DNASE1: variants seen among roughly 807,000 people sequenced by gnomAD.
DNASE1 encodes the protein deoxyribonuclease-1.
DNASE1 carries 40 observed loss-of-function variants against 33.9 expected under a neutral mutation model. That is an observed-to-expected ratio of 1.18 (90% CI 0.92 to 1.54). DNASE1 has a LOEUF of 1.54. Among genes scored for constraint, DNASE1 ranks in the 40% most tolerant of loss-of-function variants. DNASE1 has a pLI of 0.00. For synonymous variants in DNASE1, 216 were observed against 160.0 expected (o/e 1.35, Z -2.64); for missense variants, 518 against 372.6 (o/e 1.39, Z -3.21).
exon 10 of DNASE1, chr16:3,663,619 A>G: frequency 6.2e-7 from 1 of 1,606,114 alleles, no homozygotes; most frequent in Non-Finnish European, 8.5e-7. Context: ...CCACCACAGA[A>G]GAAAGGATGA....
intron 1 of DNASE1, among the ~76,000 whole-genome samples, chr16:3,648,174 A>G (rs1017286728): frequency 6.6e-6 from 1 of 152,192 alleles, no homozygotes; most frequent in Admixed American, 6.5e-5. Context: ...GTCTCAAAAG[A>G]AAACAAAACC....
intron 5 of DNASE1, 112 bp from the exon 6 acceptor site, chr16:3,656,887 T>G: frequency 1.3e-6 from 2 of 1,545,382 alleles, no homozygotes; most frequent in African/African-American, 1.4e-5. Flanking sequence ...TTCAAGTCAT[T>G]TGGAAAATAT....
intron 1 of DNASE1, among the ~76,000 whole-genome samples, chr16:3,620,578 A>G (rs1398204266): frequency 6.6e-6 from 1 of 152,056 alleles, no homozygotes; most frequent in African/African-American, 2.4e-5. Context: ...TCTCTAAGTC[A>G]GTAGATAGGA....
At chr16:3,656,561 G>T (rs1340911436) in intron 4 of DNASE1, 77 bp from the exon 5 acceptor site, 2 of 1,320,548 alleles carry the variant, frequency 1.5e-6, no homozygotes, top group Non-Finnish European at 2.1e-6. Flanking sequence ...CCTGGGACGC[G>T]ACGCCTGCCT....
At chr16:3,657,653 C>G in intron 7 of DNASE1, 67 bp from the exon 8 acceptor site, 1 of 1,595,138 alleles carries the variant, frequency 6.3e-7, no homozygotes, top group Non-Finnish European at 8.5e-7. Context: ...TAGTTTAGTT[C>G]CTGCGGGTGC....
intron 1 of DNASE1, among the ~76,000 whole-genome samples, chr16:3,619,369 A>AT (rs552476712): frequency 0.012 from 1,640 of 138,530 alleles, 18 homozygotes; most frequent in Non-Finnish European, 0.018. Flanking sequence ...TTTATTTTTT[A>AT]TTTTTTTTTG....
At chr16:3,656,559 G>A (rs532410331) in intron 4 of DNASE1, 79 bp from the exon 5 acceptor site, 163 of 1,279,252 alleles carry the variant, frequency 1.3e-4, no homozygotes, top group Admixed American at 5.1e-4. Context: ...CGCCTGGGAC[G>A]CGACGCCTGC....
intron 1 of DNASE1, among the ~76,000 whole-genome samples, chr16:3,623,727 A>C (rs1306659205): frequency 1.3e-5 from 2 of 152,070 alleles, no homozygotes; most frequent in African/African-American, 4.8e-5. Context: ...TGAGGCCAGG[A>C]ATTAGAGAGA....
chr16:3,659,683 T>G (rs2042951682), downstream of DNASE1: 2 of 152,088 alleles, frequency 1.3e-5, no homozygotes, highest in South Asian at 4.2e-4. Flanking sequence ...GAAAACCACA[T>G]GTGGATGATA....
intron 1 of DNASE1, among the ~76,000 whole-genome samples, chr16:3,625,466 G>A (rs936048439): frequency 6.6e-6 from 1 of 151,894 alleles, no homozygotes; most frequent in Admixed American, 6.6e-5. Context: ...AAAAAAAATT[G>A]TTTAAATAAA....
chr16:3,635,317 G>T (rs1250416352), intron 1 of DNASE1, among the ~76,000 whole-genome samples: 4 of 151,804 alleles, frequency 2.6e-5, no homozygotes, highest in Admixed American at 2.6e-4. Flanking sequence ...AATTAGCTGT[G>T]CGTGGTGGCG....
upstream of DNASE1, chr16:3,654,688 G>C (rs2042481521): frequency 2.5e-6 from 1 of 399,520 alleles, no homozygotes; most frequent in Non-Finnish European, 4.4e-6. Flanking sequence ...GTGATTATCA[G>C]GTGCAGTTTT....
At chr16:3,640,103 A>G (rs1008333861), upstream of DNASE1, among the ~76,000 whole-genome samples, 5 of 152,150 alleles carry the variant, frequency 3.3e-5, no homozygotes, top group African/African-American at 7.2e-5. Context: ...AGTCTACCCA[A>G]TACCCCACGA....
chr16:3,634,437 C>T lies in DNASE1; in HGVS notation c.-1358-6278C>T, dbSNP rs371582955. Among the ~76,000 whole-genome samples, 57 of 151,774 alleles carry T rather than the reference C, an allele frequency of 3.8e-4. No individual in the cohort carries two copies. In the East Asian group the frequency reaches 0.011, roughly 28 times the overall value. ...TAGAGATGGGGTTTCACTGTATTAGCCAGGCTGGTCTCGAACTCCTGACCT... is the reference window on the plus strand; with the variant it reads ...TAGAGATGGGGTTTCACTGTATTAGTCAGGCTGGTCTCGAACTCCTGACCT... On this transcript the variant is annotated intron_variant and NMD_transcript_variant, in intron 1 of 11. Transcript: ENST00000570769.
chr16:3,660,162 C>T (rs1436984253), downstream of DNASE1: 3 of 152,240 alleles, frequency 2.0e-5, no homozygotes, highest in Admixed American at 6.5e-5. Flanking sequence ...GGACCCACTG[C>T]ACAGCAAGTT....
chr16:3,663,354 C>T (rs924184933), exon 10 of DNASE1: 19 of 1,587,656 alleles, frequency 1.2e-5, no homozygotes, highest in African/African-American at 1.1e-4. Context: ...AGGAAGCCCT[C>T]GCTGCGGGGC....
chr16:3,642,060 C>A (rs191098215), upstream of DNASE1, among the ~76,000 whole-genome samples: 17 of 152,316 alleles, frequency 1.1e-4, no homozygotes, highest in East Asian at 3.3e-3. Context: ...GGCCCCAGGA[C>A]TGTGGACTAG....
At chr16:3,646,847 C>T (rs927095841) in intron 1 of DNASE1, among the ~76,000 whole-genome samples, 1 of 151,802 alleles carries the variant, frequency 6.6e-6, no homozygotes, top group Non-Finnish European at 1.5e-5. Flanking sequence ...ATGGTGCGGG[C>T]GGGGCTGAGG....
In DNASE1 at chr16:3,643,699, G is replaced by A. The variant is rs1285165345; in HGVS notation, c.-86+663G>A. On this transcript the variant is annotated intron_variant, in intron 1 of 9. Coordinates refer to the DNASE1 transcript ENST00000407479. The stretch of plus-strand genomic sequence containing the variant: ...ACAGACCCACAGGAGACTGAGATAC[G>A]GTTTTTGGACATGGACTTTAGTATG... Among the ~76,000 whole-genome samples, 3 of 152,132 alleles carry A rather than the reference G, an allele frequency of 2.0e-5. 1 individual carries two copies. Among genetic ancestry groups the A allele is most frequent in the South Asian group, 4.1e-4 (2 of 4,826 alleles).
Sources: allele counts gnomAD v4.1 joint callset (sites outside exome capture counted in the v4.1 genomes callset), GRCh38; gene constraint gnomAD v4.1.1; transcripts MANE v1.5; gene names NCBI Gene and HGNC (gene_info 2026-07-23, HGNC 2026-07-21).